USH1C: variants seen among roughly 807,000 people sequenced by gnomAD.
USH1C encodes harmonin.
Under a neutral mutation model 119.3 loss-of-function variants are expected in USH1C, and 90 were observed. The ratio of observed to expected loss-of-function variants is 0.75; its 90% CI spans 0.64 to 0.90. The LOEUF (loss-of-function observed/expected upper bound fraction) is 0.90, where lower values mean the gene tolerates loss of function less well. Ranked by LOEUF, USH1C falls within the 40% of genes least tolerant of loss-of-function variation. The probability of loss-of-function intolerance (pLI) is 0.00; values close to 1 mark genes in which losing one functional copy is unlikely to be tolerated. For synonymous variants in USH1C, 465 were observed against 443.3 expected (o/e 1.05, Z -0.62); for missense variants, 1,165 against 1,167.7 (o/e 1.00, Z 0.03).
At position 17,544,337 on chromosome 11, in the gene USH1C, A is replaced by G; in HGVS notation, c.-30T>C. ...GGGCCAGGTCCAGCTGCGTCGTTGC[A>G]CGACCCGTTCCTTCGGGTGCCCGGC... is the stretch of plus-strand genomic sequence containing the variant. On this transcript the variant is annotated 5_prime_UTR_variant, in exon 1 of 27. Transcript: ENST00000005226. 1.2e-6 allele frequency: 2 copies of G among 1,613,796 alleles called. No homozygotes were observed. Among genetic ancestry groups the G allele is most frequent in the Non-Finnish European group, 1.7e-6 (2 of 1,179,908 alleles).
chr11:17,526,199 T>A (rs111749216), intron 8 of USH1C, 148 bp downstream of exon 8: 7 of 711,070 alleles, frequency 9.8e-6, no homozygotes, highest in Admixed American at 2.0e-5. Flanking sequence ...AGACCCTGTA[T>A]CTAACAAAAA....
chr11:17,537,820 A>G (rs1245854131), intron 1 of USH1C, among the ~76,000 whole-genome samples: 5 of 152,168 alleles, frequency 3.3e-5, no homozygotes, highest in Admixed American at 3.3e-4. Context: ...CTTTACGTGT[A>G]TTATCTTTAA....
At chr11:17,517,555 T>C in intron 14 of USH1C, 3 of 1,393,142 alleles carry the variant, frequency 2.2e-6, no homozygotes, top group Non-Finnish European at 2.0e-6. Context: ...TCTCAGGAGT[T>C]TGGGGACCTG....
At chr11:17,525,830 T>C (rs1201136540) in intron 8 of USH1C, among the ~76,000 whole-genome samples, 1 of 152,186 alleles carries the variant, frequency 6.6e-6, no homozygotes, top group African/African-American at 2.4e-5. Context: ...CATCTGTAAA[T>C]TGGGCTCTGT....
chr11:17,518,755 C>T (rs1850270080), intron 14 of USH1C, among the ~76,000 whole-genome samples: 1 of 152,172 alleles, frequency 6.6e-6, no homozygotes, highest in Non-Finnish European at 1.5e-5. Context: ...CACAGTGGCT[C>T]ATGCCTGTAA....
intron 15 of USH1C, among the ~76,000 whole-genome samples, chr11:17,513,027 G>A (rs775904093): frequency 6.6e-6 from 1 of 152,182 alleles, no homozygotes; most frequent in East Asian, 1.9e-4. Context: ...TTATACCAAT[G>A]ATCTCCTATG....
rs1849309612 is a variant in USH1C, at chr11:17,498,223, A to G, written c.2429T>C (p.Val810Ala). The change falls in exon 24 of 27, where the codon GTG becomes GCG. Residue 810 changes from valine to alanine, a missense_variant. Coordinates refer to ENST00000005226, the MANE Select transcript of USH1C (RefSeq NM_153676.4). ...AGCCTCAGCCAGGGTGTAGTCTGTCACAATCTTGCCGTTGATTGCCATGAT... is the reference window on the plus strand; with the variant it reads ...AGCCTCAGCCAGGGTGTAGTCTGTCGCAATCTTGCCGTTGATTGCCATGAT... The part of the protein sequence containing the change: ...DEIMAINGKI[V>A]TDYTLAEAEA... 1.9e-6 allele frequency: 3 copies of G among 1,614,052 alleles called. No homozygotes were observed. Among genetic ancestry groups the G allele is most frequent in the African/African-American group, 1.3e-5 (1 of 74,910 alleles).
chr11:17,512,390 C>G (rs1591984143), intron 15 of USH1C, among the ~76,000 whole-genome samples: 1 of 152,332 alleles, frequency 6.6e-6, no homozygotes, highest in Non-Finnish European at 1.5e-5. Context: ...GCTTGCCACC[C>G]AGTGCCAATG....
chr11:17,504,263 G>A (rs1849554016), intron 20 of USH1C, among the ~76,000 whole-genome samples: 1 of 152,308 alleles, frequency 6.6e-6, no homozygotes, highest in African/African-American at 2.4e-5. Flanking sequence ...AAGAAGAGGG[G>A]AAGGTACAGG....
At position 17,522,907 on chromosome 11, in the gene USH1C, G is replaced by A. The variant is rs1376998874; in HGVS notation, c.896C>T (p.Thr299Ile). The change falls in exon 12 of 27, where the codon ACA becomes ATA. Residue 299 changes from threonine (T) to isoleucine (I), a missense_variant. Physicochemically the swap from Thr to Ile is moderately conservative, Grantham distance 89. Coordinates refer to ENST00000005226, the MANE Select transcript of USH1C (RefSeq NM_153676.4). ...CGCCTCTGCCAGCCGCTCCCGGTCTGTCATGAACAGCTCCCGGCCCTCATG... is the reference window on the plus strand; with the variant it reads ...CGCCTCTGCCAGCCGCTCCCGGTCTATCATGAACAGCTCCCGGCCCTCATG... Reference protein sequence around the residue: ...VAAAGRELFMTDRERLAEARQ... With the variant: ...VAAAGRELFMIDRERLAEARQ... The A allele has an allele frequency of 2.5e-6, 4 of 1,612,328 alleles. No homozygotes were observed. In the African/African-American group the frequency reaches 4.0e-5, roughly 16 times the overall value.
At chr11:17,524,417 G>T in intron 9 of USH1C, 34 bp downstream of exon 9, 1 of 1,554,366 alleles carries the variant, frequency 6.4e-7, no homozygotes, top group Non-Finnish European at 8.7e-7. Flanking sequence ...AATTTCCAGT[G>T]GGCCCCCACT....
chr11:17,509,923 T>A (rs1849814332), intron 17 of USH1C, 85 bp from the exon 18 acceptor site: 1 of 1,475,668 alleles, frequency 6.8e-7, no homozygotes. Context: ...GCTCTTCTAA[T>A]CTGTTTCTCT....
chr11:17,517,898 C>T (rs900344530), intron 14 of USH1C, among the ~76,000 whole-genome samples: 2 of 152,152 alleles, frequency 1.3e-5, no homozygotes, highest in East Asian at 1.9e-4. Flanking sequence ...AGCTCTGGGA[C>T]CCTAGGGGAT....
At chr11:17,521,988 C>T (rs2133872882) in intron 12 of USH1C, among the ~76,000 whole-genome samples, 1 of 152,108 alleles carries the variant, frequency 6.6e-6, no homozygotes, top group South Asian at 2.1e-4. Flanking sequence ...GCCACTATGC[C>T]CAGCTAATTT....
rs140934960 is a variant in USH1C at position 17,521,362 on chromosome 11, G to A, written c.1069C>T (p.Arg357Trp). The change falls in exon 13 of 27, where the codon CGG becomes TGG. Residue 357 changes from arginine (R) to tryptophan (W), a missense_variant. Transcript: ENST00000005226. The stretch of plus-strand genomic sequence containing the variant: ...GGTACTCACTGTTCCATCTCCTTCC[G>A]GTATCTCTCATTTTCCTCTGCTGCC... ...QKAAEENERY[R>W]KEMEQIVEEE... The A allele has an allele frequency of 5.7e-5, 92 of 1,614,016 alleles. 1 individual carries two copies. Among genetic ancestry groups the A allele is most frequent in the South Asian group, 5.3e-4 (48 of 91,050 alleles).
At chr11:17,509,984 T>G (rs1849817965) in intron 17 of USH1C, 146 bp from the exon 18 acceptor site, 4 of 1,048,130 alleles carry the variant, frequency 3.8e-6, no homozygotes, top group Non-Finnish European at 5.4e-6. Context: ...GCGCCATTCC[T>G]CTGCCACCTG....
chr11:17,516,653 G>A (rs1309085093), intron 14 of USH1C: 1 of 356,180 alleles, frequency 2.8e-6, no homozygotes, highest in Non-Finnish European at 5.4e-6. Context: ...TGTTGAAAGA[G>A]AACAAGGCCT....
chr11:17,534,566 A>G (rs1851149548), intron 1 of USH1C, among the ~76,000 whole-genome samples: 2 of 152,168 alleles, frequency 1.3e-5, no homozygotes, highest in South Asian at 4.1e-4. Flanking sequence ...CTTTCTCCCT[A>G]CCTCAGTGCA....
chr11:17,497,186 T>C (rs1343366838), intron 24 of USH1C, among the ~76,000 whole-genome samples: 2 of 152,220 alleles, frequency 1.3e-5, no homozygotes, highest in African/African-American at 2.4e-5. Flanking sequence ...ACAACCTCTC[T>C]GGGTAATTCC....
Sources: allele counts gnomAD v4.1 joint callset (sites outside exome capture counted in the v4.1 genomes callset), GRCh38; gene constraint gnomAD v4.1.1; transcripts MANE v1.5; gene names NCBI Gene and HGNC (gene_info 2026-07-23, HGNC 2026-07-21).